VASH1: variants seen among roughly 807,000 people sequenced by gnomAD.
The protein encoded by VASH1 is tubulinyl-Tyr carboxypeptidase 1.
Under a neutral mutation model 35.0 loss-of-function variants are expected in VASH1, and 16 were observed. That is an observed-to-expected ratio of 0.46 (90% confidence interval 0.31 to 0.70). VASH1 has a LOEUF of 0.70. VASH1 is among the 30% of genes least tolerant of loss of function. The pLI is 0.05. For synonymous variants in VASH1, 214 were observed against 200.9 expected (o/e 1.07, Z -0.55); for missense variants, 505 against 510.7 (o/e 0.99, Z 0.11).
At chr14:76,767,251 T>TAAATAAATAAAG (rs1417693415) in intron 1 of VASH1, among the ~76,000 whole-genome samples, 1 of 146,818 alleles carries the variant, frequency 6.8e-6, no homozygotes, top group African/African-American at 2.6e-5. Context: ...TCTCAATAAA[T>TAAATAAATAAAG]AAATAAATAA....
chr14:76,765,403 T>C (rs1156921279), intron 1 of VASH1, among the ~76,000 whole-genome samples: 2 of 152,166 alleles, frequency 1.3e-5, no homozygotes, highest in African/African-American at 2.4e-5. Context: ...ACCACAGATC[T>C]CAGATAAATC....
At chr14:76,765,678 G>T (rs1893624576) in intron 1 of VASH1, among the ~76,000 whole-genome samples, 1 of 152,204 alleles carries the variant, frequency 6.6e-6, no homozygotes, top group Admixed American at 6.5e-5. Flanking sequence ...AAAATTGGGA[G>T]ATTTCTCACA....
At position 76,762,490 on chromosome 14, in the gene VASH1, C is replaced by T. The variant is rs1893529881; in HGVS notation, c.-332C>T. ...TTCCCTCCGACTTTTCTCCGCTCTG[C>T]CAGCCCTCACTGCTGCCCGTCATTG... On this transcript the variant is annotated 5_prime_UTR_variant, in exon 1 of 7. Coordinates refer to ENST00000167106, the MANE Select transcript of VASH1 (RefSeq NM_014909.5). 4.9e-6 allele frequency: 1 copy of T among 205,322 alleles called. No homozygotes were observed. Among genetic ancestry groups the T allele is most frequent in the Non-Finnish European group, 9.6e-6 (1 of 103,686 alleles). 12.7% of individuals were successfully genotyped at this position (205,322 alleles called of 1,614,324 possible).
At chr14:76,773,311 T>C (rs1893843272) in intron 4 of VASH1, 100 bp downstream of exon 4, 1 of 1,210,824 alleles carries the variant, frequency 8.3e-7, no homozygotes. Flanking sequence ...GCTCCAGGGC[T>C]CTCCCATATG....
chr14:76,774,397 A>C (rs1566685596), intron 4 of VASH1: 1 of 152,092 alleles, frequency 6.6e-6, no homozygotes, highest in Admixed American at 6.5e-5. Context: ...TGCCTCCTTC[A>C]TGTCTTCACG....
chr14:76,775,968 C>T lies in VASH1; in HGVS notation c.607C>T (p.Arg203Cys), dbSNP rs1341385991. 1 of 1,611,218 alleles carries T rather than the reference C, an allele frequency of 6.2e-7. No homozygotes were observed. Among genetic ancestry groups the T allele is most frequent in the Non-Finnish European group, 8.5e-7 (1 of 1,179,182 alleles). Residue 203 changes from arginine (R) to cysteine (C), a missense_variant, in exon 5 of 7, where the codon CGC becomes TGC. Coordinates refer to ENST00000167106, the MANE Select transcript of VASH1 (RefSeq NM_014909.5). The stretch of plus-strand genomic sequence containing the variant: ...GACCTACTTCTCAGGGAACTACTTC[C>T]GCCACATCGTGCTGGGGGTGAACTT... ...FKTYFSGNYFRHIVLGVNFAG... is the reference protein window; with the variant it reads ...FKTYFSGNYFCHIVLGVNFAG...
At chr14:76,773,069 CT>C (rs1893836193) in intron 3 of VASH1, 67 bp from the exon 4 acceptor site, 1 of 1,519,584 alleles carries the variant, frequency 6.6e-7, no homozygotes, top group Admixed American at 1.7e-5. Flanking sequence ...ACCCTGCCCC[CT>C]CCTTCTCACA....
intron 5 of VASH1, 54 bp downstream of exon 5, chr14:76,776,327 G>A: frequency 1.4e-6 from 2 of 1,478,856 alleles, no homozygotes; most frequent in Non-Finnish European, 1.8e-6. Flanking sequence ...CCCCGCCCCA[G>A]CAGAGGCGAT....
chr14:76,778,194 GGA>G, intron 6 of VASH1, 123 bp downstream of exon 6: 4 of 699,236 alleles, frequency 5.7e-6, no homozygotes, highest in Non-Finnish European at 6.4e-6. Flanking sequence ...CCCACCCAAG[GGA>G]GGTGACTTGG....
rs189016487 is a variant in VASH1 at position 76,769,453 on chromosome 14, G to A, written c.310-510G>A. On this transcript the variant is annotated intron_variant, in intron 1 of 6. Coordinates refer to ENST00000167106, the MANE Select transcript of VASH1 (RefSeq NM_014909.5). ...AAGTTGGTGCTCTGGAAGGCATGGC[G>A]AATATGCCCATGATACTGGGTGGGT... is the stretch of plus-strand genomic sequence containing the variant. The A allele has an allele frequency of 2.6e-5, 34 of 1,289,102 alleles. No individual in the cohort carries two copies. The East Asian group carries it at 1.3e-3, about 50-fold the overall frequency. 79.9% of individuals were successfully genotyped at this position (1,289,102 alleles called of 1,614,324 possible). A position where few individuals can be genotyped will look rare whatever the true frequency, so the allele number is the denominator to read the frequency against.
rs2140170701 is a variant in VASH1, at chr14:76,763,147, A to G, written c.309+17A>G. 6.9e-7 allele frequency: 1 copy of G among 1,441,932 alleles called. No individual in the cohort carries two copies. The highest frequency in any genetic ancestry group is 9.2e-7 in the Non-Finnish European group (1 of 1,091,770). 89.3% of individuals were successfully genotyped at this position (1,441,932 alleles called of 1,614,324 possible). On this transcript the variant is annotated intron_variant, in intron 1 of 6. Coordinates refer to ENST00000167106, the MANE Select transcript of VASH1 (RefSeq NM_014909.5). ...CTGCCCAAGGTGAGACACACGGGTC[A>G]GGGGGGTGATAGCACAGTCTAGGTT...
rs543693393 is a variant in VASH1 at position 76,780,221 on chromosome 14, G to T, written c.*1203G>T. On this transcript the variant is annotated 3_prime_UTR_variant, in exon 7 of 7. Transcript: ENST00000167106. ...GTTCTGGAGGCTCAAGCAACAAGGA[G>T]GTGCAGGTAAAGGGTGCAGTGCAGC... The T allele has an allele frequency of 6.5e-6, 1 of 153,396 alleles. No homozygotes were observed. Among genetic ancestry groups the T allele is most frequent in the South Asian group, 2.1e-4 (1 of 4,854 alleles). The allele number at this position is 153,396 out of a possible 1,614,324, so 9.5% of individuals were successfully genotyped here.
intron 1 of VASH1, among the ~76,000 whole-genome samples, chr14:76,766,097 T>A (rs1278174890): frequency 6.6e-6 from 1 of 152,226 alleles, no homozygotes; most frequent in Non-Finnish European, 1.5e-5. Flanking sequence ...CATGTGATGC[T>A]TCATTAAGTG....
Position 76,763,498 on chromosome 14 carries a change from G to A in VASH1, c.309+368G>A, listed in dbSNP as rs1893561247. 2.6e-5 allele frequency among the ~76,000 whole-genome samples: 4 copies of A among 152,222 alleles called. No homozygotes were observed. The South Asian group carries it at 8.3e-4, about 32-fold the overall frequency. On this transcript the variant is annotated intron_variant, in intron 1 of 6. Transcript: ENST00000167106. Reference sequence around the variant, plus strand: ...AAATGTAATGAATGACTAAGGAGATGCAGGGCTTCATATGTTGAGAAAATA... The same window carrying A: ...AAATGTAATGAATGACTAAGGAGATACAGGGCTTCATATGTTGAGAAAATA...
chr14:76,776,826 G>T (rs1049756229), intron 5 of VASH1, among the ~76,000 whole-genome samples: 1 of 152,142 alleles, frequency 6.6e-6, no homozygotes, highest in Non-Finnish European at 1.5e-5. Flanking sequence ...CATCTGCCTG[G>T]GTTCTCCTGG....
In VASH1 at chr14:76,762,900, G is replaced by A; in HGVS notation, c.79G>A (p.Gly27Arg). 6.4e-7 allele frequency: 1 copy of A among 1,572,092 alleles called. No individual in the cohort carries two copies. The highest frequency in any genetic ancestry group is 1.3e-5 in the African/African-American group (1 of 74,240). ...GTCCGCTGCGGCCACCGCCCCCTCT[G>A]GGGTCAGGCGTTTGGAGACCAGCGA... ...PTSAAATAPS[G>R]VRRLETSEGT... Residue 27 changes from glycine (G) to arginine (R), a missense_variant, in exon 1 of 7, where the codon GGG becomes AGG. By Grantham distance (125) the Gly-to-Arg change is moderately radical (BLOSUM62 -2). Coordinates refer to ENST00000167106, the MANE Select transcript of VASH1 (RefSeq NM_014909.5).
At chr14:76,778,188 C>A in intron 6 of VASH1, 117 bp downstream of exon 6, 2 of 753,030 alleles carry the variant, frequency 2.7e-6, no homozygotes, top group South Asian at 2.8e-5. Flanking sequence ...TTCGCTCCCA[C>A]CCAAGGGAGG....
intron 3 of VASH1, among the ~76,000 whole-genome samples, chr14:76,772,244 GAAAAGA>G (rs561575814): frequency 4.2e-4 from 64 of 152,038 alleles, no homozygotes; most frequent in African/African-American, 1.2e-3. Context: ...TGTCTCAAAA[GAAAAGA>G]AAAAGAAAAA....
chr14:76,771,969 C>T (rs1000944037), intron 3 of VASH1, among the ~76,000 whole-genome samples: 3 of 152,342 alleles, frequency 2.0e-5, no homozygotes, highest in Non-Finnish European at 1.5e-5. Context: ...TGGCCAGGCA[C>T]GGTGGCTCAC....
Sources: gnomAD v4.1 joint callset for allele counts (sites outside exome capture counted in the v4.1 genomes callset) on GRCh38, gnomAD v4.1.1 for gene constraint, MANE v1.5 for transcripts, NCBI Gene and HGNC (gene_info 2026-07-23, HGNC 2026-07-21) for gene names.